The following ERC2 variants were observed in gnomAD, a reference collection of about 807,000 sequenced individuals.
The protein encoded by ERC2 is ERC protein 2.
A neutral mutation model predicts 114.8 loss-of-function variants in ERC2; 42 were observed. The observed-to-expected ratio is 0.37, with a 90% confidence interval of 0.29 to 0.47. The LOEUF is 0.47. ERC2 is among the 20% of genes least tolerant of loss of function. The pLI is 0.99. For missense variants in ERC2, 939 were observed against 1,150.7 expected (o/e 0.82, Z 2.66); for synonymous variants, 454 against 425.5 (o/e 1.07, Z -0.82).
chr3:56,032,030 T>A (rs1210183316), intron 7 of ERC2, among the ~76,000 whole-genome samples: 2 of 152,188 alleles, frequency 1.3e-5, no homozygotes, highest in Admixed American at 1.3e-4. Flanking sequence ...TTAATTCCAA[T>A]GAGAACTGGT....
chr3:56,062,412 A>T lies in ERC2; in HGVS notation c.1641+18405T>A, dbSNP rs79569107. ...AGGCTTGGCCAATTACCATGTATCT[A>T]TCTGCTCTAGGGGTGAAAGCAGCAT... On this transcript the variant is annotated intron_variant, in intron 7 of 17. Coordinates refer to ENST00000288221, the MANE Select transcript of ERC2 (RefSeq NM_015576.3). 2.5e-4 allele frequency among the ~76,000 whole-genome samples: 38 copies of T among 152,248 alleles called. 1 individual carries two copies. The highest frequency in any genetic ancestry group is 2.0e-3 in the Admixed American group (31 of 15,286).
At chr3:55,803,737 G>T (rs1205813310) in intron 14 of ERC2, among the ~76,000 whole-genome samples, 2 of 152,082 alleles carry the variant, frequency 1.3e-5, no homozygotes, top group African/African-American at 4.8e-5. Flanking sequence ...CACAGTCATG[G>T]AATATTGGTT....
At chr3:56,256,792 G>C (rs1004273406) in intron 3 of ERC2, among the ~76,000 whole-genome samples, 1 of 152,058 alleles carries the variant, frequency 6.6e-6, no homozygotes. Flanking sequence ...TAAGTGTTTG[G>C]AGGTTCCTCC....
At chr3:55,817,471 C>T (rs1446021857) in intron 14 of ERC2, among the ~76,000 whole-genome samples, 1 of 152,204 alleles carries the variant, frequency 6.6e-6, no homozygotes, top group Non-Finnish European at 1.5e-5. Flanking sequence ...CAGCTCATCA[C>T]GTCTAACCTC....
chr3:55,813,222 C>G (rs1185348118), intron 14 of ERC2, among the ~76,000 whole-genome samples: 1 of 152,188 alleles, frequency 6.6e-6, no homozygotes, highest in African/African-American at 2.4e-5. Flanking sequence ...AGTTCGGTTA[C>G]CTATGCGTCC....
rs140214514 is a variant in ERC2 at position 56,265,748 on chromosome 3, G to T, written c.1074+30271C>A. The stretch of plus-strand genomic sequence containing the variant: ...ATATATGAGAAACAAAACTCAATAG[G>T]CCAGGCACAGTGGCTCATGCCTGTA... On this transcript the variant is annotated intron_variant, in intron 3 of 17. Coordinates refer to ENST00000288221, the MANE Select transcript of ERC2 (RefSeq NM_015576.3). 5.9e-5 allele frequency among the ~76,000 whole-genome samples: 9 copies of T among 152,190 alleles called. No individual in the cohort carries two copies. The East Asian group carries it at 1.7e-3, about 29-fold the overall frequency.
intron 2 of ERC2, among the ~76,000 whole-genome samples, chr3:56,335,096 C>T (rs994339644): frequency 6.6e-6 from 1 of 152,206 alleles, no homozygotes; most frequent in Non-Finnish European, 1.5e-5. Flanking sequence ...TGAGCCACTG[C>T]ACCCAGCCTA....
chr3:55,583,494 T>TC (rs2057402370), intron 17 of ERC2, among the ~76,000 whole-genome samples: 3 of 45,366 alleles, frequency 6.6e-5, no homozygotes, highest in African/African-American at 2.1e-4. Flanking sequence ...CATCCCTCTC[T>TC]CCTTCCCTCC....
chr3:56,042,093 T>C (rs1008906084), intron 7 of ERC2, among the ~76,000 whole-genome samples: 1 of 152,092 alleles, frequency 6.6e-6, no homozygotes, highest in African/African-American at 2.4e-5. Flanking sequence ...TCCACACAAC[T>C]ACCCCAGGAG....
At chr3:55,806,503 A>C (rs2059498929) in intron 14 of ERC2, among the ~76,000 whole-genome samples, 1 of 152,098 alleles carries the variant, frequency 6.6e-6, no homozygotes, top group Non-Finnish European at 1.5e-5. Context: ...CAGAGGTCTA[A>C]GCAAAACTCA....
chr3:55,645,854 T>C (rs965395612), intron 17 of ERC2, among the ~76,000 whole-genome samples: 1 of 152,134 alleles, frequency 6.6e-6, no homozygotes, highest in Admixed American at 6.5e-5. Context: ...CCAAGGTGAA[T>C]CCCTCTACGG....
chr3:55,609,111 G>T (rs1362997494), intron 17 of ERC2, among the ~76,000 whole-genome samples: 2 of 152,182 alleles, frequency 1.3e-5, no homozygotes, highest in African/African-American at 2.4e-5. Context: ...AAGTCAAGCA[G>T]CTAGTGTTAA....
chr3:56,189,550 G>A (rs1015900295), intron 3 of ERC2, among the ~76,000 whole-genome samples: 1 of 152,196 alleles, frequency 6.6e-6, no homozygotes, highest in African/African-American at 2.4e-5. Flanking sequence ...AGATGTTCCT[G>A]AATCAGAAAT....
At chr3:55,734,980 C>T (rs2065533516) in intron 14 of ERC2, 62 bp from the exon 15 acceptor site, 2 of 1,437,192 alleles carry the variant, frequency 1.4e-6, no homozygotes, top group African/African-American at 2.9e-5. Flanking sequence ...AAACAATTGG[C>T]ATTTATAGTT....
intron 10 of ERC2, among the ~76,000 whole-genome samples, chr3:55,998,725 G>C (rs776190573): frequency 1.3e-5 from 2 of 152,154 alleles, no homozygotes; most frequent in Non-Finnish European, 2.9e-5. Flanking sequence ...ATACTGTCCT[G>C]TAATGACCTA....
chr3:55,624,494 A>G (rs2059436943), intron 17 of ERC2, among the ~76,000 whole-genome samples: 2 of 152,158 alleles, frequency 1.3e-5, no homozygotes, highest in Non-Finnish European at 2.9e-5. Context: ...TGGTGCTGAG[A>G]GGACAGAGAG....
At chr3:55,529,507 G>A (rs577732764) in intron 17 of ERC2, among the ~76,000 whole-genome samples, 5 of 152,210 alleles carry the variant, frequency 3.3e-5, no homozygotes, top group African/African-American at 1.2e-4. Flanking sequence ...AGGTTACTTT[G>A]CAAATATATG....
chr3:55,995,838 G>A (rs1259110367), intron 10 of ERC2, among the ~76,000 whole-genome samples: 1 of 152,190 alleles, frequency 6.6e-6, no homozygotes, highest in Non-Finnish European at 1.5e-5. Context: ...AAATAAAATA[G>A]TGGAGGAAAT....
intron 14 of ERC2, among the ~76,000 whole-genome samples, chr3:55,757,137 A>G (rs755045241): frequency 1.3e-5 from 2 of 152,218 alleles, no homozygotes; most frequent in African/African-American, 4.8e-5. Flanking sequence ...ACAGAACACC[A>G]CATCATATTA....
Sources: allele counts gnomAD v4.1 joint callset (sites outside exome capture counted in the v4.1 genomes callset), GRCh38; gene constraint gnomAD v4.1.1; transcripts MANE v1.5; gene names NCBI Gene and HGNC (gene_info 2026-07-23, HGNC 2026-07-21).